The following RANBP2 variants were observed in gnomAD, a reference collection of about 807,000 sequenced individuals.
The protein encoded by RANBP2 is RAN binding protein 2.
In RANBP2, 57 loss-of-function variants were observed where a neutral mutation model predicts 303.6. That is an observed-to-expected ratio of 0.19 (90% CI 0.15 to 0.23). RANBP2 has a LOEUF of 0.23. Among genes scored for constraint, RANBP2 ranks in the 10% least tolerant of loss-of-function variants. The pLI, the probability that RANBP2 is intolerant of heterozygous loss-of-function variation, is 1.00. For missense variants in RANBP2, 3,138 were observed against 3,780.8 expected (o/e 0.83, Z 4.46); for synonymous variants, 1,167 against 1,301.5 (o/e 0.90, Z 2.23).
chr2:108,930,625 G>A, the RANBP2 span, among the ~76,000 whole-genome samples: 1 of 152,162 alleles, frequency 6.6e-6, no homozygotes, highest in African/African-American at 2.4e-5. Flanking sequence ...GAGGATGGGG[G>A]TAGGGGTCTG....
the RANBP2 span, among the ~76,000 whole-genome samples, chr2:109,334,564 C>T: frequency 1.4e-3 from 213 of 152,124 alleles, 1 homozygote; most frequent in African/African-American, 5.0e-3. Context: ...TCACCCGCTC[C>T]GGGGATGCCA....
At chr2:109,239,969 C>A in the RANBP2 span, among the ~76,000 whole-genome samples, 6 of 152,320 alleles carry the variant, frequency 3.9e-5, no homozygotes, top group South Asian at 4.1e-4. Context: ...GTGGGGCTTG[C>A]AGCTGGGTAT....
At chr2:109,687,948 T>C in the RANBP2 span, among the ~76,000 whole-genome samples, 1 of 152,102 alleles carries the variant, frequency 6.6e-6, no homozygotes, top group Non-Finnish European at 1.5e-5. Context: ...CTTTTCGCCA[T>C]GTTGCCCAGG....
chr2:109,105,916 C>T, the RANBP2 span, among the ~76,000 whole-genome samples: 1 of 148,056 alleles, frequency 6.8e-6, no homozygotes, highest in Non-Finnish European at 1.5e-5. Context: ...TGCAGTGGCA[C>T]AGTCTCGGCT....
the RANBP2 span, among the ~76,000 whole-genome samples, chr2:108,804,565 C>G: frequency 6.6e-6 from 1 of 152,030 alleles, no homozygotes; most frequent in Non-Finnish European, 1.5e-5. Context: ...TTTTATTATT[C>G]CATGATGTCA....
chr2:109,015,445 C>T, the RANBP2 span, among the ~76,000 whole-genome samples: 2 of 152,088 alleles, frequency 1.3e-5, no homozygotes, highest in Admixed American at 6.5e-5. Context: ...GTTCTTTTCT[C>T]TAGCTTGCTT....
the RANBP2 span, among the ~76,000 whole-genome samples, chr2:109,395,658 G>A: frequency 6.6e-6 from 1 of 152,204 alleles, no homozygotes; most frequent in Non-Finnish European, 1.5e-5. Flanking sequence ...CGCCGTGAAG[G>A]CACAGTGCAG....
the RANBP2 span, among the ~76,000 whole-genome samples, chr2:109,261,973 G>C: frequency 2.0e-5 from 3 of 152,140 alleles, no homozygotes; most frequent in Non-Finnish European, 2.9e-5. Flanking sequence ...TTACATCAGA[G>C]GAAGGGCCAC....
At chr2:109,726,377 T>C in the RANBP2 span, among the ~76,000 whole-genome samples, 1 of 151,756 alleles carries the variant, frequency 6.6e-6, no homozygotes, top group African/African-American at 2.4e-5. Context: ...ACCACTGCAC[T>C]CCAGCCTGGT....
chr2:109,417,595 A>T, the RANBP2 span, among the ~76,000 whole-genome samples: 1 of 152,222 alleles, frequency 6.6e-6, no homozygotes, highest in African/African-American at 2.4e-5. Context: ...CTCTCTCAGG[A>T]TCCTTTGAAA....
the RANBP2 span, among the ~76,000 whole-genome samples, chr2:109,620,419 T>G: frequency 6.6e-6 from 1 of 152,308 alleles, no homozygotes; most frequent in South Asian, 2.1e-4. Flanking sequence ...TAAGAAAATT[T>G]TGCTGGGCGT....
the RANBP2 span, among the ~76,000 whole-genome samples, chr2:109,444,153 A>G: frequency 6.6e-6 from 1 of 152,252 alleles, no homozygotes; most frequent in African/African-American, 2.4e-5. Context: ...AAAATAACCC[A>G]TATATTAAAG....
chr2:109,160,795 C>T, the RANBP2 span, among the ~76,000 whole-genome samples: 9 of 152,216 alleles, frequency 5.9e-5, no homozygotes, highest in Non-Finnish European at 8.8e-5. Flanking sequence ...GGGGCTGAGG[C>T]GTGATGCTGG....
the RANBP2 span, among the ~76,000 whole-genome samples, chr2:109,539,459 T>C: frequency 1.7e-4 from 26 of 152,224 alleles, no homozygotes; most frequent in African/African-American, 6.0e-4. Context: ...CCACAGCTTC[T>C]TGTTTTTTGA....
At chr2:108,902,793 T>G in the RANBP2 span, among the ~76,000 whole-genome samples, 3 of 152,186 alleles carry the variant, frequency 2.0e-5, no homozygotes, top group Non-Finnish European at 4.4e-5. Flanking sequence ...AGAGCTAATA[T>G]TATACTTAAT....
At chr2:108,782,979 G>C (rs906357737) in intron 28 of RANBP2, 117 bp downstream of exon 28, 4 of 950,134 alleles carry the variant, frequency 4.2e-6, no homozygotes, top group Non-Finnish European at 6.5e-6. Context: ...ATTTCTTTAG[G>C]TTTTCCACAC....
chr2:108,907,735 T>C, the RANBP2 span: 17,637 of 1,106,084 alleles, frequency 0.016, 216 homozygotes, highest in Non-Finnish European at 0.02. Context: ...CCAGGTCTCC[T>C]ATCTTGGACT....
At chr2:109,479,435 T>G in the RANBP2 span, among the ~76,000 whole-genome samples, 1 of 152,214 alleles carries the variant, frequency 6.6e-6, no homozygotes, top group Non-Finnish European at 1.5e-5. Flanking sequence ...TTGAGTTCAG[T>G]AGGAACATTT....
At chr2:109,175,829 C>G in the RANBP2 span, among the ~76,000 whole-genome samples, 2 of 152,146 alleles carry the variant, frequency 1.3e-5, no homozygotes, top group Admixed American at 6.5e-5. Context: ...GCTGCCATGC[C>G]AGTAATAGTT....
Sources: gnomAD v4.1 joint callset for allele counts (sites outside exome capture counted in the v4.1 genomes callset) on GRCh38, gnomAD v4.1.1 for gene constraint, MANE v1.5 for transcripts, NCBI Gene and HGNC (gene_info 2026-07-23, HGNC 2026-07-21) for gene names.